NPAS2: variants seen among roughly 807,000 people sequenced by gnomAD.
The protein encoded by NPAS2 is neuronal PAS domain protein 2.
In NPAS2, 23 loss-of-function variants were observed where a neutral mutation model predicts 107.5. That is an observed-to-expected ratio of 0.21 (90% CI 0.15 to 0.30). The LOEUF (loss-of-function observed/expected upper bound fraction) is 0.30, where lower values mean the gene tolerates loss of function less well. NPAS2 is among the 10% of genes least tolerant of loss of function. The pLI, the probability that NPAS2 is intolerant of heterozygous loss-of-function variation, is 1.00. For missense variants in NPAS2, 756 were observed against 1,043.3 expected, an observed-to-expected ratio of 0.72 and a Z score of 3.79; for synonymous variants, 403 against 417.5, an observed-to-expected ratio of 0.97 and a Z score of 0.42.
intron 1 of NPAS2, among the ~76,000 whole-genome samples, chr2:100,824,610 C>G (rs1676262710): frequency 6.6e-6 from 1 of 152,126 alleles, no homozygotes; most frequent in Non-Finnish European, 1.5e-5. Flanking sequence ...ACCTGGGGTG[C>G]CTTTTATGCT....
intron 2 of NPAS2, among the ~76,000 whole-genome samples, chr2:100,907,513 CACACACACA>C: frequency 6.6e-6 from 1 of 151,810 alleles, no homozygotes; most frequent in African/African-American, 2.4e-5. Flanking sequence ...CACACACACA[CACACACACA>C]CCCCTAAGAT....
At chr2:100,833,062 A>G (rs1441210539) in intron 1 of NPAS2, among the ~76,000 whole-genome samples, 2 of 152,168 alleles carry the variant, frequency 1.3e-5, no homozygotes, top group African/African-American at 4.8e-5. Flanking sequence ...ACCTATAAAA[A>G]CATTCAGCCT....
chr2:100,983,693 A>G (rs1677609780), intron 16 of NPAS2: 1 of 152,230 alleles, frequency 6.6e-6, no homozygotes, highest in African/African-American at 2.4e-5. Context: ...AATTGACCAG[A>G]AAAAGGCTCG....
intron 2 of NPAS2, among the ~76,000 whole-genome samples, chr2:100,920,887 A>G (rs1683181912): frequency 6.6e-6 from 1 of 152,208 alleles, no homozygotes; most frequent in Non-Finnish European, 1.5e-5. Flanking sequence ...GGTGACCACG[A>G]CAGTGGGAAA....
intron 2 of NPAS2, among the ~76,000 whole-genome samples, chr2:100,909,245 T>C (rs1304009329): frequency 6.6e-6 from 1 of 152,196 alleles, no homozygotes; most frequent in Non-Finnish European, 1.5e-5. Context: ...TCAGAGCGCT[T>C]TCAGGCAAGT....
At chr2:100,888,129 G>A (rs531551061) in intron 1 of NPAS2, among the ~76,000 whole-genome samples, 2 of 152,278 alleles carry the variant, frequency 1.3e-5, no homozygotes, top group East Asian at 1.9e-4. Context: ...AGCCTCTCCC[G>A]AAGAGATCCT....
chr2:100,884,703 TA>T lies in NPAS2; in HGVS notation c.-22-20029del, dbSNP rs565488249. Reference sequence around the variant, plus strand: ...GAGTCAGCCTGGGGTCCTTCTTACATAGACATGAACATAGTTTCTCCAGAGC... The same window carrying T: ...GAGTCAGCCTGGGGTCCTTCTTACATGACATGAACATAGTTTCTCCAGAGC... On this transcript the variant is annotated intron_variant, in intron 1 of 20. Coordinates refer to ENST00000335681, the MANE Select transcript of NPAS2 (RefSeq NM_002518.4). Among the ~76,000 whole-genome samples the T allele has an allele frequency of 3.5e-3, 535 of 152,102 alleles. 1 individual carries two copies. Among genetic ancestry groups the T allele is most frequent in the Middle Eastern group, 0.014 (4 of 294 alleles).
At chr2:100,949,148 T>C (rs1456031981) in intron 6 of NPAS2, among the ~76,000 whole-genome samples, 1 of 152,172 alleles carries the variant, frequency 6.6e-6, no homozygotes, top group Non-Finnish European at 1.5e-5. Flanking sequence ...TTAAGACTAA[T>C]TGGGTCCATG....
chr2:100,868,267 A>G (rs2104559754), intron 1 of NPAS2, among the ~76,000 whole-genome samples: 1 of 152,326 alleles, frequency 6.6e-6, no homozygotes, highest in South Asian at 2.1e-4. Context: ...AGGGTATACA[A>G]ATCTAGGGTG....
intron 1 of NPAS2, among the ~76,000 whole-genome samples, chr2:100,899,570 A>G (rs1473906287): frequency 6.6e-6 from 1 of 152,208 alleles, no homozygotes; most frequent in Non-Finnish European, 1.5e-5. Flanking sequence ...CAAATGCACC[A>G]TACTAATGTA....
At chr2:100,855,847 C>T (rs562786826) in intron 1 of NPAS2, among the ~76,000 whole-genome samples, 19 of 152,300 alleles carry the variant, frequency 1.2e-4, no homozygotes, top group African/African-American at 4.6e-4. Context: ...GACCAACTTT[C>T]CCCAAAACTC....
At chr2:100,850,953 CAAAAAAAAAAAAAAAA>C (rs148858541) in intron 1 of NPAS2, among the ~76,000 whole-genome samples, 2 of 41,856 alleles carry the variant, frequency 4.8e-5, no homozygotes, top group African/African-American at 2.0e-4. Flanking sequence ...AACTCTGTCT[CAAAAAAAAAAAAAAAA>C]AAAAAAAAAA....
Position 100,925,202 on chromosome 2 carries a change from A to G in NPAS2, c.89A>G (p.Lys30Arg). 1 of 1,614,174 alleles carries G rather than the reference A, an allele frequency of 6.2e-7. No individual in the cohort carries two copies. The highest frequency in any genetic ancestry group is 8.5e-7 in the Non-Finnish European group (1 of 1,180,028). The change falls in exon 3 of 21, where the codon AAA becomes AGA. Residue 30 changes from lysine to arginine, a missense_variant. By Grantham distance (26) the Lys-to-Arg change is conservative (BLOSUM62 2). Around this residue, in one of 4 missense-constraint regions of NPAS2, gnomAD observed 146 missense variants for 249.6 expected, o/e 0.58. Transcript: ENST00000335681. Reference protein sequence around the residue: ...KRRDQFNVLIKELSSMLPGNT... With the variant: ...KRRDQFNVLIRELSSMLPGNT... ...CGGGACCAGTTCAATGTTCTCATCA[A>G]AGAGCTCAGTTCCATGCTCCCTGGC...
intron 1 of NPAS2, among the ~76,000 whole-genome samples, chr2:100,833,076 C>T (rs1009002141): frequency 7.2e-5 from 11 of 152,294 alleles, no homozygotes; most frequent in Admixed American, 2.0e-4. Flanking sequence ...TCAGCCTGCA[C>T]CGTGGGTGTG....
intron 1 of NPAS2, among the ~76,000 whole-genome samples, chr2:100,870,954 T>A (rs1679544964): frequency 6.6e-6 from 1 of 152,248 alleles, no homozygotes; most frequent in Non-Finnish European, 1.5e-5. Flanking sequence ...TCAAGTCTTT[T>A]ATCATTCAGA....
chr2:100,912,243 T>A (rs1303010090), intron 2 of NPAS2, among the ~76,000 whole-genome samples: 4 of 109,630 alleles, frequency 3.6e-5, no homozygotes, highest in South Asian at 3.7e-4. Flanking sequence ...TTTATTTATT[T>A]ATTTATTTAT....
chr2:100,966,250 G>A (rs1198288575), intron 10 of NPAS2, among the ~76,000 whole-genome samples: 2 of 152,102 alleles, frequency 1.3e-5, no homozygotes, highest in African/African-American at 4.8e-5. Flanking sequence ...TGACTTTGTG[G>A]GATGTGGTCG....
chr2:100,974,738 A>C (rs1676849365), intron 12 of NPAS2, 65 bp from the exon 13 acceptor site: 1 of 1,543,780 alleles, frequency 6.5e-7, no homozygotes, highest in East Asian at 2.3e-5. Context: ...TTAGAACTAA[A>C]GTCACGCCCA....
At chr2:100,909,133 G>A (rs1682360110) in intron 2 of NPAS2, among the ~76,000 whole-genome samples, 2 of 152,342 alleles carry the variant, frequency 1.3e-5, no homozygotes, top group East Asian at 1.9e-4. Flanking sequence ...TTAATGACAT[G>A]GACCAATGAA....
Sources: gnomAD v4.1 joint callset for allele counts (sites outside exome capture counted in the v4.1 genomes callset) on GRCh38, gnomAD v4.1.1 for gene constraint, gnomAD v4.1.1 regional missense constraint, MANE v1.5 for transcripts, NCBI Gene and HGNC (gene_info 2026-07-23, HGNC 2026-07-21) for gene names.